Variants in CNTN4 observed in about 807,000 individuals in gnomAD.
CNTN4 encodes the protein contactin-4.
In CNTN4, 77 loss-of-function variants were observed where a neutral mutation model predicts 122.5. The observed-to-expected ratio is 0.63, with a 90% CI of 0.52 to 0.76. The LOEUF is 0.76. Ranked by LOEUF, CNTN4 falls within the 30% of genes least tolerant of loss-of-function variation. The probability of loss-of-function intolerance (pLI) is 0.00; values close to 1 mark genes in which losing one functional copy is unlikely to be tolerated. For synonymous variants in CNTN4, 512 were observed against 447.0 expected (o/e 1.15, Z -1.83); for missense variants, 1,256 against 1,259.1 (o/e 1.00, Z 0.04).
intron 12 of CNTN4, 96 bp downstream of exon 12, chr3:2,903,101 A>G: frequency 7.8e-7 from 1 of 1,275,776 alleles, no homozygotes; most frequent in Non-Finnish European, 1.1e-6. Flanking sequence ...ATCCAAGAAA[A>G]GGAGTAAAGA....
chr3:2,555,536 A>C (rs1230478361), intron 3 of CNTN4, among the ~76,000 whole-genome samples: 1 of 152,172 alleles, frequency 6.6e-6, no homozygotes, highest in African/African-American at 2.4e-5. Flanking sequence ...AATGCTGTCA[A>C]AGCACATATG....
intron 2 of CNTN4, among the ~76,000 whole-genome samples, chr3:2,186,156 C>G (rs1015759059): frequency 6.6e-6 from 1 of 151,640 alleles, no homozygotes; most frequent in East Asian, 2.0e-4. Flanking sequence ...GTTCAATTCC[C>G]ACCTATGAGT....
intron 4 of CNTN4, among the ~76,000 whole-genome samples, chr3:2,659,713 C>G (rs886612127): frequency 2.0e-5 from 3 of 152,076 alleles, no homozygotes; most frequent in Admixed American, 2.0e-4. Context: ...AGAGCCACAT[C>G]TTTTCATTTG....
At chr3:3,032,375 T>G (rs1158939735) in intron 16 of CNTN4, among the ~76,000 whole-genome samples, 1 of 152,254 alleles carries the variant, frequency 6.6e-6, no homozygotes, top group Non-Finnish European at 1.5e-5. Flanking sequence ...TTGAAGTTCT[T>G]AAATGATATT....
At chr3:2,101,337 T>C (rs542575306) in intron 2 of CNTN4, among the ~76,000 whole-genome samples, 3 of 152,288 alleles carry the variant, frequency 2.0e-5, no homozygotes, top group South Asian at 4.1e-4. Context: ...CAGCAGAAAA[T>C]TCCCATGCAT....
intron 4 of CNTN4, among the ~76,000 whole-genome samples, chr3:2,624,755 C>T (rs2082119352): frequency 6.6e-6 from 1 of 151,366 alleles, no homozygotes; most frequent in African/African-American, 2.4e-5. Context: ...CCTCAGCTTC[C>T]CCAATAGCTG....
At chr3:2,687,497 C>CA (rs567536724) in intron 4 of CNTN4, among the ~76,000 whole-genome samples, 4 of 151,648 alleles carry the variant, frequency 2.6e-5, no homozygotes, top group African/African-American at 4.8e-5. Context: ...TCTATGTCTT[C>CA]AAAAAAAATA....
chr3:2,291,003 G>A (rs1224509245), intron 2 of CNTN4, among the ~76,000 whole-genome samples: 1 of 152,034 alleles, frequency 6.6e-6, no homozygotes, highest in Non-Finnish European at 1.5e-5. Flanking sequence ...TTTTTTAAAA[G>A]AATCCAACTA....
At chr3:3,048,781 G>A (rs1354159701) in intron 23 of CNTN4, among the ~76,000 whole-genome samples, 3 of 152,092 alleles carry the variant, frequency 2.0e-5, no homozygotes, top group Non-Finnish European at 4.4e-5. Context: ...TGAACATGTT[G>A]GGGTGTGGGT....
chr3:2,438,343 G>GA (rs2048324954), intron 3 of CNTN4, among the ~76,000 whole-genome samples: 3 of 152,152 alleles, frequency 2.0e-5, no homozygotes, highest in Admixed American at 2.0e-4. Flanking sequence ...CCAACGTGGT[G>GA]AAACCCCATC....
chr3:3,018,145 A>G (rs1574836198), intron 14 of CNTN4, among the ~76,000 whole-genome samples: 1 of 152,326 alleles, frequency 6.6e-6, no homozygotes, highest in Non-Finnish European at 1.5e-5. Flanking sequence ...CCATTTAAGG[A>G]TGAATTATTC....
At chr3:2,753,540 A>G (rs1238859658) in intron 6 of CNTN4, among the ~76,000 whole-genome samples, 1 of 152,224 alleles carries the variant, frequency 6.6e-6, no homozygotes, top group Non-Finnish European at 1.5e-5. Context: ...CCAAGGATAC[A>G]GCAGTGGGAG....
chr3:2,971,475 C>T (rs902606882), intron 13 of CNTN4, among the ~76,000 whole-genome samples: 1 of 152,068 alleles, frequency 6.6e-6, no homozygotes, highest in African/African-American at 2.4e-5. Context: ...AGAAACCTGG[C>T]AAATTGTAAT....
chr3:3,002,796 C>T (rs184314872), intron 14 of CNTN4, among the ~76,000 whole-genome samples: 142 of 152,300 alleles, frequency 9.3e-4, no homozygotes, highest in African/African-American at 3.3e-3. Context: ...TATTCTAACT[C>T]AGGCACCCCC....
At chr3:2,801,099 A>T (rs1201056823) in intron 6 of CNTN4, among the ~76,000 whole-genome samples, 1 of 152,210 alleles carries the variant, frequency 6.6e-6, no homozygotes, top group East Asian at 1.9e-4. Flanking sequence ...ACCTGATCAG[A>T]TGTAAGTTCC....
At chr3:2,192,541 A>G (rs2037627472) in intron 2 of CNTN4, among the ~76,000 whole-genome samples, 1 of 152,208 alleles carries the variant, frequency 6.6e-6, no homozygotes, top group South Asian at 2.1e-4. Context: ...TACTCATCTG[A>G]CAAAGGGCTA....
intron 3 of CNTN4, among the ~76,000 whole-genome samples, chr3:2,507,916 A>G (rs192834604): frequency 4.9e-4 from 74 of 152,154 alleles, no homozygotes; most frequent in African/African-American, 1.8e-3. Flanking sequence ...TTTTTTGCTA[A>G]TAGTGACTAC....
chr3:2,330,148 C>G (rs1422799944), intron 2 of CNTN4, among the ~76,000 whole-genome samples: 2 of 152,050 alleles, frequency 1.3e-5, no homozygotes, highest in Non-Finnish European at 2.9e-5. Context: ...GCTCACAGAA[C>G]CCAGGAAAGT....
intron 4 of CNTN4, among the ~76,000 whole-genome samples, chr3:2,580,483 G>C (rs1420521371): frequency 6.6e-6 from 1 of 152,072 alleles, no homozygotes; most frequent in Non-Finnish European, 1.5e-5. Context: ...GCACGTAAAA[G>C]CCCTTAATGT....
Sources: allele counts gnomAD v4.1 joint callset (sites outside exome capture counted in the v4.1 genomes callset), GRCh38; gene constraint gnomAD v4.1.1; transcripts MANE v1.5; gene names NCBI Gene and HGNC (gene_info 2026-07-23, HGNC 2026-07-21).